Variants in TRIO observed in about 807,000 individuals in gnomAD.
TRIO encodes the protein trio Rho guanine nucleotide exchange factor, also known as triple functional domain protein.
A neutral mutation model predicts 351.9 loss-of-function variants in TRIO; 58 were observed. The ratio of observed to expected loss-of-function variants is 0.16; its 90% confidence interval spans 0.13 to 0.21. TRIO has a LOEUF of 0.21. TRIO is among the 10% of genes least tolerant of loss of function. The probability of loss-of-function intolerance (pLI) is 1.00; values close to 1 mark genes in which losing one functional copy is unlikely to be tolerated. For missense variants in TRIO, 3,201 were observed against 4,027.8 expected, an observed-to-expected ratio of 0.79 and a Z score of 5.56; for synonymous variants, 1,758 against 1,595.7, an observed-to-expected ratio of 1.10 and a Z score of -2.42.
At chr5:14,471,681 C>G (rs751214363) in intron 38 of TRIO, among the ~76,000 whole-genome samples, 1 of 152,062 alleles carries the variant, frequency 6.6e-6, no homozygotes, top group African/African-American at 2.4e-5. Context: ...TATGATACTT[C>G]ATAAGTAAGA....
At chr5:14,176,326 C>T (rs533615038) in intron 1 of TRIO, among the ~76,000 whole-genome samples, 2 of 152,224 alleles carry the variant, frequency 1.3e-5, no homozygotes, top group South Asian at 4.2e-4. Context: ...AAAAATTAGC[C>T]GGACATGGTG....
chr5:14,204,743 A>G (rs1791352428), intron 1 of TRIO, among the ~76,000 whole-genome samples: 1 of 152,202 alleles, frequency 6.6e-6, no homozygotes, highest in Non-Finnish European at 1.5e-5. Context: ...GAGTTAACCT[A>G]AGGATATAGG....
chr5:14,426,531 G>A (rs144777974), intron 34 of TRIO, among the ~76,000 whole-genome samples: 2 of 152,336 alleles, frequency 1.3e-5, no homozygotes, highest in African/African-American at 4.8e-5. Flanking sequence ...ACAAGGAACT[G>A]TCCAGGAACT....
At chr5:14,229,348 C>T (rs974004491) in intron 1 of TRIO, among the ~76,000 whole-genome samples, 5 of 152,242 alleles carry the variant, frequency 3.3e-5, no homozygotes, top group Non-Finnish European at 5.9e-5. Flanking sequence ...GGCATGGCTG[C>T]CTTCCAGTGA....
At chr5:14,316,987 C>G (rs1335223017) in intron 9 of TRIO, among the ~76,000 whole-genome samples, 1 of 152,170 alleles carries the variant, frequency 6.6e-6, no homozygotes, top group Non-Finnish European at 1.5e-5. Flanking sequence ...AAGTTTTCTT[C>G]TAGAATCGGA....
Position 14,270,961 on chromosome 5 carries a change from G to A in TRIO, c.232+62G>A, listed in dbSNP as rs1364379893. 8.2e-6 allele frequency: 10 copies of A among 1,213,586 alleles called. No homozygotes were observed. In the East Asian group the frequency reaches 9.6e-5, roughly 12 times the overall value. 75.2% of individuals were successfully genotyped at this position (1,213,586 alleles called of 1,614,324 possible). ...CTCTGACACAATTTCAGAGTCTGAC[G>A]TAATAAATGAACTCACCTGCCACAA... is the stretch of plus-strand genomic sequence containing the variant. On this transcript the variant is annotated intron_variant, in intron 2 of 56. Coordinates refer to ENST00000344204, the MANE Select transcript of TRIO (RefSeq NM_007118.4).
chr5:14,424,791 A>G (rs138208755), intron 34 of TRIO, among the ~76,000 whole-genome samples: 1,644 of 152,344 alleles, frequency 0.011, 28 homozygotes, highest in African/African-American at 0.038. Flanking sequence ...AGAAAGAGAC[A>G]TATTTTCATT....
rs745436046 is a variant in TRIO at position 14,502,581 on chromosome 5, C to T, written c.8335C>T (p.Pro2779Ser). Reference sequence around the variant, plus strand: ...GGCAGGTGCTGTTCTTCTTGCAGGTCCAGGGATGGATGGGATCATGGTGAC... The same window carrying T: ...GGCAGGTGCTGTTCTTCTTGCAGGTTCAGGGATGGATGGGATCATGGTGAC... ...SSSASLRVLG[P>S]GMDGIMVTWK... The change falls in exon 54 of 57, where the codon CCA becomes TCA. Residue 2779 changes from proline to serine, a missense_variant and splice_region_variant. Pro to Ser is a moderately conservative substitution (Grantham distance 74). Transcript: ENST00000344204. The T allele has an allele frequency of 1.5e-5, 24 of 1,614,000 alleles. No individual in the cohort carries two copies. Among genetic ancestry groups the T allele is most frequent in the Non-Finnish European group, 1.9e-5 (22 of 1,180,018 alleles).
chr5:14,402,490 G>A (rs182674560), intron 31 of TRIO, among the ~76,000 whole-genome samples: 31 of 152,280 alleles, frequency 2.0e-4, no homozygotes, highest in African/African-American at 7.5e-4. Flanking sequence ...GTGTAGAGAG[G>A]CAGGCGATGG....
chr5:14,326,009 A>G (rs1049089112), intron 9 of TRIO, among the ~76,000 whole-genome samples: 1 of 152,192 alleles, frequency 6.6e-6, no homozygotes, highest in Non-Finnish European at 1.5e-5. Flanking sequence ...TTCCTTTTTC[A>G]TCTCACCTGT....
At chr5:14,367,089 A>G (rs958028527) in intron 16 of TRIO, 110 bp downstream of exon 16, 7 of 1,482,880 alleles carry the variant, frequency 4.7e-6, no homozygotes, top group African/African-American at 2.8e-5. Context: ...CTGGCTTGGT[A>G]AAGACGACTC....
At chr5:14,496,858 C>T in intron 49 of TRIO, 21 bp from the exon 50 acceptor site, 1 of 1,613,246 alleles carries the variant, frequency 6.2e-7, no homozygotes, top group South Asian at 1.1e-5. Flanking sequence ...ATAATACCCA[C>T]AGTGTGTTCA....
intron 40 of TRIO, among the ~76,000 whole-genome samples, chr5:14,475,834 C>CA (rs1554085923): frequency 3.5e-4 from 53 of 152,154 alleles, no homozygotes; most frequent in African/African-American, 1.1e-3. Context: ...GTCTGCGCAG[C>CA]GGGGATAGTA....
At position 14,364,728 on chromosome 5, in the gene TRIO, A is replaced by G. The variant is rs1156562048; in HGVS notation, c.2666A>G (p.Gln889Arg). 6.2e-7 allele frequency: 1 copy of G among 1,613,368 alleles called. No individual in the cohort carries two copies. The highest frequency in any genetic ancestry group is 8.5e-7 in the Non-Finnish European group (1 of 1,180,034). Residue 889 changes from glutamine (Q) to arginine (R), a missense_variant, in exon 15 of 57, where the codon CAG (glutamine) becomes CGG (arginine). By Grantham distance (43) the Gln-to-Arg change is conservative. This residue lies in a region of TRIO where 363 missense variants were observed against 553.5 expected (regional missense o/e 0.66). Transcript: ENST00000344204. The stretch of plus-strand genomic sequence containing the variant: ...CTGCTGGAGTTTCTTCATGAAAAAC[A>G]GCAGGAATTGGATTTAGCCGCAGAG... ...QDLLEFLHEK[Q>R]QELDLAAEQH...
intron 1 of TRIO, among the ~76,000 whole-genome samples, chr5:14,202,719 A>G (rs1382680348): frequency 2.0e-5 from 3 of 147,264 alleles, no homozygotes; most frequent in Non-Finnish European, 4.5e-5. Context: ...TCTGCCGCCA[A>G]GACGTCTGTG....
At chr5:14,149,765 G>T (rs1288916263) in intron 1 of TRIO, among the ~76,000 whole-genome samples, 1 of 152,136 alleles carries the variant, frequency 6.6e-6, no homozygotes, top group Admixed American at 6.5e-5. Context: ...CTGGTGTTTT[G>T]GAGGCATCTT....
rs1009798604 is a variant in TRIO at position 14,487,559 on chromosome 5, G to A, written c.6931G>A (p.Gly2311Ser). ...CGGCGGGGGTGGGGGCAGCGGCGGC[G>A]GCGGGGCCCCCAGTGGCGGCAGCGG... ...GSGGGGGSGG[G>S]GAPSGGSGHS... Residue 2311 changes from glycine (G) to serine (S), a missense_variant, in exon 48 of 57, where the codon GGC becomes AGC. Physicochemically the swap from Gly to Ser is moderately conservative, Grantham distance 56 (BLOSUM62 0). This residue lies in a region of TRIO where 1,089 missense variants were observed against 954.9 expected (regional missense o/e 1.14). Transcript: ENST00000344204. The A allele has an allele frequency of 2.6e-5, 29 of 1,101,546 alleles. No homozygotes were observed. The highest frequency in any genetic ancestry group is 5.3e-5 in the Admixed American group (1 of 18,928). 68.2% of individuals were successfully genotyped at this position (1,101,546 alleles called of 1,614,324 possible).
chr5:14,182,235 G>A (rs1165795163), intron 1 of TRIO, among the ~76,000 whole-genome samples: 1 of 152,196 alleles, frequency 6.6e-6, no homozygotes, highest in Non-Finnish European at 1.5e-5. Flanking sequence ...CCCCGGCTCT[G>A]CTGTGAGGCT....
chr5:14,200,929 A>G (rs1177388991), intron 1 of TRIO, among the ~76,000 whole-genome samples: 1 of 152,148 alleles, frequency 6.6e-6, no homozygotes, highest in African/African-American at 2.4e-5. Flanking sequence ...GATTTAGAAA[A>G]ATCATTTTTC....
Sources: gnomAD v4.1 joint callset for allele counts (sites outside exome capture counted in the v4.1 genomes callset) on GRCh38, gnomAD v4.1.1 for gene constraint, gnomAD v4.1.1 regional missense constraint, MANE v1.5 for transcripts, NCBI Gene and HGNC (gene_info 2026-07-23, HGNC 2026-07-21) for gene names.